The following CCDC138 variants were observed in gnomAD, a reference collection of about 807,000 sequenced individuals.
CCDC138 encodes coiled-coil domain containing 138, also known as coiled-coil domain-containing protein 138.
A neutral mutation model predicts 82.3 loss-of-function variants in CCDC138; 66 were observed. The ratio of observed to expected loss-of-function variants is 0.80; its 90% CI spans 0.66 to 0.98. The LOEUF (loss-of-function observed/expected upper bound fraction) is 0.98. CCDC138 is among the 50% of genes least tolerant of loss of function. CCDC138 has a pLI of 0.00. For synonymous variants in CCDC138, 297 were observed against 265.4 expected, an observed-to-expected ratio of 1.12 and a Z score of -1.16; for missense variants, 816 against 758.9, an observed-to-expected ratio of 1.08 and a Z score of -0.88.
rs142245772 is a variant in CCDC138 at position 108,792,168 on chromosome 2, T to C, written c.394+366T>C. Among the ~76,000 whole-genome samples, 490 of 152,308 alleles carry C rather than the reference T, an allele frequency of 3.2e-3. 1 individual carries two copies. Among genetic ancestry groups the C allele is most frequent in the Non-Finnish European group, 3.4e-3 (229 of 68,018 alleles). On this transcript the variant is annotated intron_variant, in intron 4 of 14. Coordinates refer to ENST00000295124, the MANE Select transcript of CCDC138 (RefSeq NM_144978.3). ...TTTCTGTGTATCTGGCTGCATTTCA[T>C]AGTTGTGGCGGGATTTCAAGGAATG...
intron 13 of CCDC138, 102 bp from the exon 14 acceptor site, chr2:108,873,349 A>G: frequency 2.8e-6 from 3 of 1,073,346 alleles, no homozygotes; most frequent in Non-Finnish European, 3.7e-6. Context: ...GAAAATCTAA[A>G]TGAATATTTA....
intron 2 of CCDC138, among the ~76,000 whole-genome samples, chr2:108,788,375 G>T (rs902155000): frequency 6.7e-6 from 1 of 150,270 alleles, no homozygotes; most frequent in Non-Finnish European, 1.5e-5. Context: ...AGCCGAGATG[G>T]CGCCACTACA....
At chr2:108,795,399 G>GC (rs1680709007) in intron 5 of CCDC138, among the ~76,000 whole-genome samples, 1 of 151,978 alleles carries the variant, frequency 6.6e-6, no homozygotes, top group African/African-American at 2.4e-5. Context: ...CAGGTGATCT[G>GC]CCCCCACTTG....
At chr2:108,837,081 A>G (rs1020889942) in intron 10 of CCDC138, among the ~76,000 whole-genome samples, 1 of 152,120 alleles carries the variant, frequency 6.6e-6, no homozygotes, top group Non-Finnish European at 1.5e-5. Flanking sequence ...CTGGTACTAT[A>G]GTGAACAGAA....
intron 6 of CCDC138, among the ~76,000 whole-genome samples, chr2:108,803,879 C>T (rs1349219988): frequency 6.6e-6 from 1 of 151,988 alleles, no homozygotes; most frequent in Non-Finnish European, 1.5e-5. Flanking sequence ...TTTTTAGTAT[C>T]TTTTAGATAT....
intron 12 of CCDC138, 27 bp from the exon 13 acceptor site, chr2:108,856,767 A>C (rs377416990): frequency 1.5e-4 from 234 of 1,593,992 alleles, no homozygotes; most frequent in Non-Finnish European, 1.8e-4. Context: ...GCAAAACTGC[A>C]GTTGATTGTA....
chr2:108,811,109 T>C (rs1242357945), intron 7 of CCDC138, among the ~76,000 whole-genome samples: 1 of 150,772 alleles, frequency 6.6e-6, no homozygotes, highest in Non-Finnish European at 1.5e-5. Context: ...TCTTTTTTTT[T>C]TTCTTTTTTC....
At chr2:108,871,946 G>A (rs1467794531) in intron 13 of CCDC138, among the ~76,000 whole-genome samples, 1 of 152,042 alleles carries the variant, frequency 6.6e-6, no homozygotes, top group African/African-American at 2.4e-5. Context: ...TCCTTTTACT[G>A]TGGCTTCTCC....
At chr2:108,853,388 A>ATT (rs1350852041) in intron 12 of CCDC138, among the ~76,000 whole-genome samples, 13 of 152,182 alleles carry the variant, frequency 8.5e-5, no homozygotes, top group Non-Finnish European at 1.6e-4. Flanking sequence ...GTCATTAACA[A>ATT]TAAGTATGGA....
intron 11 of CCDC138, among the ~76,000 whole-genome samples, chr2:108,841,429 G>A (rs767787963): frequency 6.6e-6 from 1 of 151,746 alleles, no homozygotes; most frequent in Admixed American, 6.6e-5. Context: ...CACATATTTT[G>A]TAACTGTGTT....
At position 108,856,040 on chromosome 2, in the gene CCDC138, A is replaced by C. The variant is rs544195243; in HGVS notation, c.1517-754A>C. Among the ~76,000 whole-genome samples the C allele has an allele frequency of 1.6e-3, 240 of 152,332 alleles. 1 individual carries two copies. Among genetic ancestry groups the C allele is most frequent in the African/African-American group, 5.4e-3 (225 of 41,582 alleles). ...CACAAGGTAAGACTGCTGTAAGAGT[A>C]GGGACTTGGGTTGTGTAGTGTACTG... On this transcript the variant is annotated intron_variant, in intron 12 of 14. Coordinates refer to ENST00000295124, the MANE Select transcript of CCDC138 (RefSeq NM_144978.3).
At chr2:108,862,074 T>G (rs1160661925) in intron 13 of CCDC138, among the ~76,000 whole-genome samples, 7 of 85,234 alleles carry the variant, frequency 8.2e-5, no homozygotes, top group Non-Finnish European at 1.7e-4. Context: ...TGGTATGATT[T>G]CAGTTTTTTT....
Position 108,816,117 on chromosome 2 carries a change from A to C in CCDC138, c.1206+12A>C. ...AGAAGTGTGTAAAGGTTTGTTTTTTAATTTGAAATATGTGATTCAGAATAT... is the reference window on the plus strand; with the variant it reads ...AGAAGTGTGTAAAGGTTTGTTTTTTCATTTGAAATATGTGATTCAGAATAT... On this transcript the variant is annotated intron_variant, in intron 10 of 14. Coordinates refer to ENST00000295124, the MANE Select transcript of CCDC138 (RefSeq NM_144978.3). 1 of 1,568,506 alleles carries C rather than the reference A, an allele frequency of 6.4e-7. No homozygotes were observed. The highest frequency in any genetic ancestry group is 8.7e-7 in the Non-Finnish European group (1 of 1,147,632).
chr2:108,882,327 A>G (rs1352863946), intron 1 of CCDC138: 1 of 152,166 alleles, frequency 6.6e-6, no homozygotes, highest in Non-Finnish European at 1.5e-5. Flanking sequence ...CAAATCTTCA[A>G]TTTGTAAAAA....
rs1243338729 is a variant in CCDC138, at chr2:108,794,476, C to G, written c.395-64C>G. ...TTAAAGCATCTCTTCCTAAAGGTTA[C>G]TCTGAGAATATTTGAAACAATAAGT... is the stretch of plus-strand genomic sequence containing the variant. On this transcript the variant is annotated intron_variant, in intron 4 of 14. Transcript: ENST00000295124. 4 of 1,422,380 alleles carry G rather than the reference C, an allele frequency of 2.8e-6. No individual in the cohort carries two copies. In the African/African-American group the frequency reaches 5.7e-5, roughly 20 times the overall value. 88.1% of individuals were successfully genotyped at this position (1,422,380 alleles called of 1,614,324 possible). A position where few individuals can be genotyped will look rare whatever the true frequency, so the allele number is the denominator to read the frequency against.
intron 13 of CCDC138, among the ~76,000 whole-genome samples, chr2:108,871,515 G>A (rs544545357): frequency 9.2e-5 from 14 of 152,110 alleles, no homozygotes; most frequent in African/African-American, 2.9e-4. Flanking sequence ...TCATGCCACT[G>A]CACTCCAGCC....
rs1695996934 is a variant in CCDC138 at position 108,876,127 on chromosome 2, G to A, written c.1872G>A (p.Leu624=). 1 of 1,605,730 alleles carries A rather than the reference G, an allele frequency of 6.2e-7. No homozygotes were observed. The highest frequency in any genetic ancestry group is 1.3e-5 in the African/African-American group (1 of 74,676). Residue 624 remains leucine (L), a synonymous_variant, in exon 15 of 15, where the codon CTG becomes CTA. Coordinates refer to ENST00000295124, the MANE Select transcript of CCDC138 (RefSeq NM_144978.3). ...TCTTTGAACTTTTTACGATTCATCT[G>A]ATGCTTCAAGAAATACAAAGGACAA... ...KKLFELFTIH[L]MLQEIQRTTN...
At chr2:108,872,391 G>T (rs1301232378) in intron 13 of CCDC138, among the ~76,000 whole-genome samples, 1 of 152,068 alleles carries the variant, frequency 6.6e-6, no homozygotes, top group East Asian at 1.9e-4. Context: ...GCTTTTGTTG[G>T]ACTATTACTG....
intron 6 of CCDC138, among the ~76,000 whole-genome samples, chr2:108,799,660 G>A (rs1417933788): frequency 1.3e-5 from 2 of 152,058 alleles, no homozygotes; most frequent in Admixed American, 1.3e-4. Context: ...CTTCAATTTG[G>A]AAATTTCTGT....
Sources: gnomAD v4.1 joint callset for allele counts (sites outside exome capture counted in the v4.1 genomes callset) on GRCh38, gnomAD v4.1.1 for gene constraint, MANE v1.5 for transcripts, NCBI Gene and HGNC (gene_info 2026-07-23, HGNC 2026-07-21) for gene names.